ZC3H7B: variants seen among roughly 807,000 people sequenced by gnomAD.
The protein encoded by ZC3H7B is zinc finger CCCH-type containing 7B, also known as zinc finger CCCH domain-containing protein 7B.
ZC3H7B carries 35 observed loss-of-function variants against 116.0 expected under a neutral mutation model. The observed-to-expected ratio is 0.30, with a 90% CI of 0.23 to 0.40. The LOEUF is 0.40. Ranked by LOEUF, ZC3H7B falls within the 10% of genes least tolerant of loss-of-function variation. The pLI, the probability that ZC3H7B is intolerant of heterozygous loss-of-function variation, is 1.00. For synonymous variants in ZC3H7B, 502 were observed against 545.6 expected (o/e 0.92, Z 1.11); for missense variants, 1,011 against 1,321.5 (o/e 0.77, Z 3.64).
At chr22:41,319,956 A>G (rs1336479243) in intron 1 of ZC3H7B, among the ~76,000 whole-genome samples, 2 of 149,910 alleles carry the variant, frequency 1.3e-5, no homozygotes, top group Non-Finnish European at 3.0e-5. Context: ...GCTTGAACCC[A>G]GGAGGTGGAG....
rs2036739381 is a variant in ZC3H7B at position 41,357,575 on chromosome 22, C to T, written c.*146C>T. ...AGCCCCCTGAGGCCCTGTCCATCTTCTCCCCACCACCGCCCCGGTGTGCGT... is the reference window on the plus strand; with the variant it reads ...AGCCCCCTGAGGCCCTGTCCATCTTTTCCCCACCACCGCCCCGGTGTGCGT... On this transcript the variant is annotated 3_prime_UTR_variant, in exon 23 of 23. Coordinates refer to ENST00000352645, the MANE Select transcript of ZC3H7B (RefSeq NM_017590.6). The surrounding 1 kb of genome is among the most constrained non-coding windows in gnomAD (Gnocchi z 5.4). 9.1e-7 allele frequency: 1 copy of T among 1,097,990 alleles called. No homozygotes were observed. Among genetic ancestry groups the T allele is most frequent in the East Asian group, 2.6e-5 (1 of 38,698 alleles). 68.0% of individuals were successfully genotyped at this position (1,097,990 alleles called of 1,614,324 possible). A position where few individuals can be genotyped will look rare whatever the true frequency, so the allele number is the denominator to read the frequency against.
At chr22:41,310,607 G>T (rs1313890092) in intron 1 of ZC3H7B, among the ~76,000 whole-genome samples, 3 of 152,164 alleles carry the variant, frequency 2.0e-5, no homozygotes, top group African/African-American at 7.2e-5. Context: ...GAGGAACAGG[G>T]TATGCCACAG....
At position 41,347,940 on chromosome 22, in the gene ZC3H7B, ACTC is replaced by A. The variant is rs143117522; in HGVS notation, c.1666-123_1666-121del. 5,880 of 751,484 alleles carry A rather than the reference ACTC, an allele frequency of 7.8e-3. 30 individuals carry two copies. The highest frequency in any genetic ancestry group is 0.011 in the Non-Finnish European group (4,748 of 432,104). The allele number at this position is 751,484 out of a possible 1,614,324, so 46.6% of individuals were successfully genotyped here. On this transcript the variant is annotated intron_variant, in intron 14 of 22. Transcript: ENST00000352645. ...CACAGACCCTGGGATTCCCTTCCTC[ACTC>A]CTCTGACCCAGGGCAGGGCTTGCAG... is the stretch of plus-strand genomic sequence containing the variant.
Position 41,355,620 on chromosome 22 carries a change from TG to T in ZC3H7B, c.2168+23del. The T allele has an allele frequency of 2.5e-6, 4 of 1,613,744 alleles. No individual in the cohort carries two copies. In the South Asian group the frequency reaches 4.4e-5, roughly 18 times the overall value. The stretch of plus-strand genomic sequence containing the variant: ...CGGCACTGGTGAGTGGGATGCCAGG[TG>T]GGGGCTCAGGTGGGATGGGGCCACC... On this transcript the variant is annotated intron_variant, in intron 18 of 22. Coordinates refer to ENST00000352645, the MANE Select transcript of ZC3H7B (RefSeq NM_017590.6).
intron 1 of ZC3H7B, among the ~76,000 whole-genome samples, chr22:41,314,140 A>G (rs577063197): frequency 1.3e-5 from 2 of 150,714 alleles, no homozygotes; most frequent in South Asian, 2.1e-4. Flanking sequence ...GCCCTTTTTA[A>G]TTTTTATTTT....
At position 41,346,556 on chromosome 22, in the gene ZC3H7B, C is replaced by T. The variant is rs1031943298; in HGVS notation, c.1665+348C>T. ...CCTAGCCTGATGCAGTGGCTCACGCCTGTAATCCCAGCACTTTGGGAGGCT... is the reference window on the plus strand; with the variant it reads ...CCTAGCCTGATGCAGTGGCTCACGCTTGTAATCCCAGCACTTTGGGAGGCT... On this transcript the variant is annotated intron_variant, in intron 14 of 22. Coordinates refer to ENST00000352645, the MANE Select transcript of ZC3H7B (RefSeq NM_017590.6). This position sits in a 1 kb window ranked among gnomAD's most constrained non-coding sequence, Gnocchi z 5.3. 9.2e-5 allele frequency among the ~76,000 whole-genome samples: 14 copies of T among 152,232 alleles called. No individual in the cohort carries two copies. The highest frequency in any genetic ancestry group is 3.1e-4 in the African/African-American group (13 of 41,452).
intron 1 of ZC3H7B, among the ~76,000 whole-genome samples, chr22:41,313,347 C>T (rs1177269200): frequency 1.3e-5 from 2 of 152,054 alleles, no homozygotes; most frequent in Non-Finnish European, 2.9e-5. Context: ...CTCCTGACCT[C>T]GTGATCCGCC....
At chr22:41,319,941 G>C (rs199545419) in intron 1 of ZC3H7B, among the ~76,000 whole-genome samples, 3 of 151,470 alleles carry the variant, frequency 2.0e-5, no homozygotes, top group Non-Finnish European at 4.4e-5. Flanking sequence ...TGAGGCAGGA[G>C]AATCGCTTGA....
intron 7 of ZC3H7B, chr22:41,333,845 A>C (rs2036411334): frequency 6.6e-6 from 1 of 152,244 alleles, no homozygotes; most frequent in Admixed American, 6.6e-5. Context: ...CTGGTTTCAA[A>C]CTGTGATGAG....
chr22:41,351,642 G>A lies in ZC3H7B; in HGVS notation c.2030G>A (p.Ser677Asn). Residue 677 changes from serine (S) to asparagine (N), a missense_variant, in exon 17 of 23, where the codon AGC becomes AAC. Around this residue, in one of 5 missense-constraint regions of ZC3H7B, gnomAD observed 406 missense variants for 590.2 expected, o/e 0.69. Coordinates refer to ENST00000352645, the MANE Select transcript of ZC3H7B (RefSeq NM_017590.6). This position sits in a 1 kb window ranked among gnomAD's most constrained non-coding sequence, Gnocchi z 5.1. The stretch of plus-strand genomic sequence containing the variant: ...GCGCATGCGGGGAAGGCCAGCAGCA[G>A]CATGGTAAGGCCTTCTGATACTATG... ...MEAHAGKASSSMGAPRTHGPS... is the reference protein window; with the variant it reads ...MEAHAGKASSNMGAPRTHGPS... 2 of 1,613,658 alleles carry A rather than the reference G, an allele frequency of 1.2e-6. No individual in the cohort carries two copies. Among genetic ancestry groups the A allele is most frequent in the Non-Finnish European group, 1.7e-6 (2 of 1,179,822 alleles).
intron 17 of ZC3H7B, among the ~76,000 whole-genome samples, chr22:41,354,216 G>A (rs1027695051): frequency 4.6e-5 from 7 of 152,216 alleles, no homozygotes; most frequent in African/African-American, 1.7e-4. Flanking sequence ...TCTCGCCCAA[G>A]AAATGGTAAT....
intron 1 of ZC3H7B, among the ~76,000 whole-genome samples, chr22:41,306,971 T>G (rs927292698): frequency 1.9e-4 from 26 of 140,470 alleles, no homozygotes; most frequent in Non-Finnish European, 3.3e-4. Flanking sequence ...GTCAGCTCCT[T>G]TCTTTTTTTT....
rs374749197 is a variant in ZC3H7B, at chr22:41,357,151, G to A, written c.2682-26G>A. The A allele has an allele frequency of 6.8e-5, 110 of 1,609,170 alleles. No individual in the cohort carries two copies. Among genetic ancestry groups the A allele is most frequent in the Non-Finnish European group, 9.1e-5 (107 of 1,178,652 alleles). On this transcript the variant is annotated intron_variant, in intron 22 of 22. Coordinates refer to ENST00000352645, the MANE Select transcript of ZC3H7B (RefSeq NM_017590.6). This position sits in a 1 kb window ranked among gnomAD's most constrained non-coding sequence, Gnocchi z 5.4. Reference sequence around the variant, plus strand: ...TGGGGTGGGAAGGGCACAGAGCTCGGGCAGTGAGCCTCCTGCCACCCACAG... The same window carrying A: ...TGGGGTGGGAAGGGCACAGAGCTCGAGCAGTGAGCCTCCTGCCACCCACAG...
chr22:41,343,208 C>T (rs868594775), intron 12 of ZC3H7B, among the ~76,000 whole-genome samples: 2 of 152,140 alleles, frequency 1.3e-5, no homozygotes, highest in Non-Finnish European at 2.9e-5. Context: ...CAAGAATGGG[C>T]TCCTTCGAGG....
chr22:41,309,980 C>T (rs531433197), intron 1 of ZC3H7B, among the ~76,000 whole-genome samples: 29 of 151,898 alleles, frequency 1.9e-4, no homozygotes, highest in Non-Finnish European at 3.1e-4. Context: ...CCGAGGTGAG[C>T]GGATCACAAG....
At chr22:41,331,423 C>T (rs772900406) in intron 6 of ZC3H7B, among the ~76,000 whole-genome samples, 5 of 148,894 alleles carry the variant, frequency 3.4e-5, no homozygotes, top group Admixed American at 6.8e-5. Context: ...GGGGTGGTAG[C>T]GAGCGCCTGT....
chr22:41,346,748 A>G lies in ZC3H7B; in HGVS notation c.1665+540A>G, dbSNP rs1408962432. Reference sequence around the variant, plus strand: ...GGAGAATCACTTGAACTGGGGAGGCAAAGGTTGCAGTGAGCCGAGATCGCG... The same window carrying G: ...GGAGAATCACTTGAACTGGGGAGGCGAAGGTTGCAGTGAGCCGAGATCGCG... On this transcript the variant is annotated intron_variant, in intron 14 of 22. Transcript: ENST00000352645. This position sits in a 1 kb window ranked among gnomAD's most constrained non-coding sequence, Gnocchi z 5.3. 3.3e-5 allele frequency among the ~76,000 whole-genome samples: 5 copies of G among 152,124 alleles called. No individual in the cohort carries two copies. Among genetic ancestry groups the G allele is most frequent in the Non-Finnish European group, 7.4e-5 (5 of 68,024 alleles).
intron 1 of ZC3H7B, among the ~76,000 whole-genome samples, chr22:41,306,346 C>G (rs1203147767): frequency 6.6e-6 from 1 of 150,576 alleles, no homozygotes; most frequent in Non-Finnish European, 1.5e-5. Context: ...GTTGCAAGTG[C>G]TTTTTCCTAA....
At chr22:41,355,247 G>A (rs2036698917) in intron 17 of ZC3H7B, among the ~76,000 whole-genome samples, 1 of 152,216 alleles carries the variant, frequency 6.6e-6, no homozygotes, top group African/African-American at 2.4e-5. Context: ...AGTTGGGCGA[G>A]GCAGGGACCA....
Sources: gnomAD v4.1 joint callset for allele counts (sites outside exome capture counted in the v4.1 genomes callset) on GRCh38, gnomAD v4.1.1 for gene constraint, gnomAD v4.1.1 regional missense constraint, Gnocchi (gnomAD v3.1) non-coding constraint, MANE v1.5 for transcripts, NCBI Gene and HGNC (gene_info 2026-07-23, HGNC 2026-07-21) for gene names.